ST6GALNAC3: variants seen among roughly 807,000 people sequenced by gnomAD.
ST6GALNAC3 encodes the protein ST6 N-acetylgalactosaminide alpha-2,6-sialyltransferase 3, also known as alpha-N-acetylgalactosaminide alpha-2,6-sialyltransferase 3.
ST6GALNAC3 carries 25 observed loss-of-function variants against 32.7 expected under a neutral mutation model. The observed-to-expected ratio is 0.76, with a 90% CI of 0.56 to 1.07. The LOEUF (loss-of-function observed/expected upper bound fraction) is 1.07. Among genes scored for constraint, ST6GALNAC3 ranks in the 50% least tolerant of loss-of-function variants. ST6GALNAC3 has a pLI of 0.00. For synonymous variants in ST6GALNAC3, 129 were observed against 133.1 expected (o/e 0.97, Z 0.21); for missense variants, 355 against 382.4 (o/e 0.93, Z 0.60).
At chr1:76,083,459 T>TC (rs1646925694) in intron 1 of ST6GALNAC3, among the ~76,000 whole-genome samples, 1 of 152,230 alleles carries the variant, frequency 6.6e-6, no homozygotes, top group South Asian at 2.1e-4. Context: ...CGAGAACTGC[T>TC]CTCTAGGGTG....
chr1:76,446,701 A>G (rs1656995939), intron 3 of ST6GALNAC3, among the ~76,000 whole-genome samples: 1 of 152,124 alleles, frequency 6.6e-6, no homozygotes, highest in South Asian at 2.1e-4. Flanking sequence ...TGTTCTCATG[A>G]TAGTAAATAA....
intron 1 of ST6GALNAC3, among the ~76,000 whole-genome samples, chr1:76,139,195 A>G (rs865954011): frequency 2.7e-5 from 4 of 150,816 alleles, no homozygotes; most frequent in Middle Eastern, 6.8e-3. Flanking sequence ...CTCCGTCTCA[A>G]TGGAAAAAAA....
At chr1:76,330,349 C>T (rs1473704457) in intron 2 of ST6GALNAC3, among the ~76,000 whole-genome samples, 1 of 152,048 alleles carries the variant, frequency 6.6e-6, no homozygotes, top group Non-Finnish European at 1.5e-5. Context: ...GATGGGGTTT[C>T]ACCATGTTGG....
chr1:76,113,353 G>A (rs186455048), intron 1 of ST6GALNAC3, among the ~76,000 whole-genome samples: 2 of 145,364 alleles, frequency 1.4e-5, no homozygotes, highest in Admixed American at 6.7e-5. Context: ...GGAGGGGGAG[G>A]GGGAGGGGGA....
intron 1 of ST6GALNAC3, among the ~76,000 whole-genome samples, chr1:76,205,100 C>T (rs1654748328): frequency 6.6e-6 from 1 of 152,152 alleles, no homozygotes; most frequent in Non-Finnish European, 1.5e-5. Context: ...TTCCCTGTCT[C>T]CTAGCACAAG....
chr1:76,484,644 A>C (rs1453725566), intron 3 of ST6GALNAC3, among the ~76,000 whole-genome samples: 1 of 152,064 alleles, frequency 6.6e-6, no homozygotes, highest in Non-Finnish European at 1.5e-5. Flanking sequence ...GGGTTTTCTA[A>C]ATATACAATC....
intron 2 of ST6GALNAC3, among the ~76,000 whole-genome samples, chr1:76,380,714 A>G (rs1304129591): frequency 6.6e-6 from 1 of 152,188 alleles, no homozygotes; most frequent in Non-Finnish European, 1.5e-5. Context: ...ACAAAGAAGC[A>G]TAGTGTTTGG....
At chr1:76,596,098 A>G (rs1036006786) in intron 3 of ST6GALNAC3, among the ~76,000 whole-genome samples, 1 of 152,108 alleles carries the variant, frequency 6.6e-6, no homozygotes, top group Non-Finnish European at 1.5e-5. Context: ...TGCAGAATTT[A>G]TCTCTTTAAT....
chr1:76,459,448 C>T (rs1188890111), intron 3 of ST6GALNAC3, among the ~76,000 whole-genome samples: 1 of 151,916 alleles, frequency 6.6e-6, no homozygotes, highest in Non-Finnish European at 1.5e-5. Flanking sequence ...CCTGTAGTCC[C>T]AGCTACTCGG....
At chr1:76,092,968 C>T (rs1258167027) in intron 1 of ST6GALNAC3, among the ~76,000 whole-genome samples, 10 of 152,110 alleles carry the variant, frequency 6.6e-5, no homozygotes, top group Admixed American at 6.5e-4. Context: ...CTGGACGTGT[C>T]TTTAGAGGCA....
chr1:76,447,983 C>A (rs1398836719), intron 3 of ST6GALNAC3, among the ~76,000 whole-genome samples: 2 of 152,086 alleles, frequency 1.3e-5, no homozygotes, highest in African/African-American at 4.8e-5. Flanking sequence ...GCACCACCAT[C>A]CTCCAGACCC....
At chr1:76,245,865 G>A (rs1468934620) in intron 1 of ST6GALNAC3, among the ~76,000 whole-genome samples, 2 of 152,190 alleles carry the variant, frequency 1.3e-5, no homozygotes, top group Non-Finnish European at 2.9e-5. Context: ...ATGTGGTGCT[G>A]AGAAGAATGT....
At chr1:76,503,207 C>T (rs573279579) in intron 3 of ST6GALNAC3, among the ~76,000 whole-genome samples, 1 of 152,194 alleles carries the variant, frequency 6.6e-6, no homozygotes, top group South Asian at 2.1e-4. Flanking sequence ...CATCCAATGG[C>T]AACACCTCTC....
At chr1:76,383,027 A>C (rs923771478) in intron 2 of ST6GALNAC3, among the ~76,000 whole-genome samples, 4 of 152,050 alleles carry the variant, frequency 2.6e-5, no homozygotes, top group Admixed American at 1.3e-4. Context: ...AAAACAAAAC[A>C]AAAAAAACCA....
intron 3 of ST6GALNAC3, among the ~76,000 whole-genome samples, chr1:76,470,318 T>C (rs1658933104): frequency 6.6e-6 from 1 of 152,050 alleles, no homozygotes; most frequent in African/African-American, 2.4e-5. Flanking sequence ...TCACAGCTTA[T>C]GGTTGCAAAA....
chr1:76,192,509 T>C (rs1653955544), intron 1 of ST6GALNAC3, among the ~76,000 whole-genome samples: 1 of 152,188 alleles, frequency 6.6e-6, no homozygotes, highest in Non-Finnish European at 1.5e-5. Flanking sequence ...TTTTATTATC[T>C]CAACCCACAG....
chr1:76,486,825 G>A lies in ST6GALNAC3; in HGVS notation c.623+74408G>A, dbSNP rs561632255. On this transcript the variant is annotated intron_variant, in intron 3 of 4. Transcript: ENST00000328299. ...GATGCAGTTTCTTCCTAGCCTCGAT[G>A]GTCTTTACAATTTGGCATGTTTCTG... Among the ~76,000 whole-genome samples, 43 of 152,266 alleles carry A rather than the reference G, an allele frequency of 2.8e-4. No individual in the cohort carries two copies. The East Asian group carries it at 5.4e-3, about 19-fold the overall frequency.
intron 1 of ST6GALNAC3, among the ~76,000 whole-genome samples, chr1:76,111,113 T>G (rs1368129149): frequency 6.6e-6 from 1 of 152,224 alleles, no homozygotes; most frequent in Admixed American, 6.5e-5. Flanking sequence ...GATATTAATT[T>G]AGTTTACTGT....
chr1:76,299,565 G>A (rs1048772475), intron 1 of ST6GALNAC3, among the ~76,000 whole-genome samples: 1 of 151,944 alleles, frequency 6.6e-6, no homozygotes, highest in African/African-American at 2.4e-5. Flanking sequence ...TCCCAAAGCT[G>A]GGATACATTG....
Sources: allele counts gnomAD v4.1 joint callset (sites outside exome capture counted in the v4.1 genomes callset), GRCh38; gene constraint gnomAD v4.1.1; transcripts MANE v1.5; gene names NCBI Gene and HGNC (gene_info 2026-07-23, HGNC 2026-07-21).